The following PDE12 variants were observed in gnomAD, a reference collection of about 807,000 sequenced individuals.
PDE12 encodes the protein 2',5'-phosphodiesterase 12.
Under a neutral mutation model 45.4 loss-of-function variants are expected in PDE12, and 26 were observed. That is an observed-to-expected ratio of 0.57 (90% CI 0.42 to 0.79). The LOEUF (loss-of-function observed/expected upper bound fraction) is 0.79. PDE12 is among the 30% of genes least tolerant of loss of function. The probability of loss-of-function intolerance (pLI) is 0.00; values close to 1 mark genes in which losing one functional copy is unlikely to be tolerated. For synonymous variants in PDE12, 283 were observed against 323.9 expected, an observed-to-expected ratio of 0.87 and a Z score of 1.36; for missense variants, 668 against 790.0, an observed-to-expected ratio of 0.85 and a Z score of 1.85.
the PDE12 span, among the ~76,000 whole-genome samples, chr3:57,602,882 A>G: frequency 6.6e-6 from 1 of 152,004 alleles, no homozygotes; most frequent in Admixed American, 6.5e-5. Flanking sequence ...ACCATTTAGC[A>G]TTTATAAAAG....
the PDE12 span, among the ~76,000 whole-genome samples, chr3:57,580,462 C>T: frequency 1.3e-5 from 2 of 152,122 alleles, no homozygotes; most frequent in Admixed American, 6.6e-5. Flanking sequence ...AGTACAGAGG[C>T]GCAACTGTAG....
the PDE12 span, among the ~76,000 whole-genome samples, chr3:57,614,874 T>C: frequency 6.6e-6 from 1 of 151,472 alleles, no homozygotes; most frequent in Admixed American, 6.6e-5. Flanking sequence ...GCGCTTGTAA[T>C]ACCAGCTACT....
At chr3:57,595,957 A>G in the PDE12 span, among the ~76,000 whole-genome samples, 1 of 152,004 alleles carries the variant, frequency 6.6e-6, no homozygotes, top group Admixed American at 6.6e-5. Context: ...GTCTGCAAAA[A>G]AAAAAAAGGA....
chr3:57,647,910 G>A, the PDE12 span, among the ~76,000 whole-genome samples: 1 of 152,058 alleles, frequency 6.6e-6, no homozygotes, highest in African/African-American at 2.4e-5. Flanking sequence ...AGGGTAAGGA[G>A]GGTATCCATG....
At chr3:57,648,032 G>T in the PDE12 span, among the ~76,000 whole-genome samples, 4 of 152,168 alleles carry the variant, frequency 2.6e-5, no homozygotes, top group East Asian at 5.8e-4. Context: ...AGAAGAGAAA[G>T]AAATAAAGAG....
chr3:57,643,876 G>A, the PDE12 span, among the ~76,000 whole-genome samples: 2 of 150,688 alleles, frequency 1.3e-5, no homozygotes, highest in African/African-American at 4.9e-5. Context: ...TGGGCCAGGC[G>A]TGGTGGCTCA....
the PDE12 span, chr3:57,630,554 T>C: frequency 5.7e-6 from 9 of 1,568,332 alleles, no homozygotes; most frequent in African/African-American, 1.1e-4. Context: ...AAAGTAAAGT[T>C]TGATTATAAC....
Position 57,558,814 on chromosome 3 carries a change from G to A in PDE12, c.1309-496G>A, listed in dbSNP as rs137864806. Among the ~76,000 whole-genome samples, 798 of 147,862 alleles carry A rather than the reference G, an allele frequency of 5.4e-3. 3 individuals carry two copies. Among genetic ancestry groups the A allele is most frequent in the Middle Eastern group, 0.01 (3 of 292 alleles). On this transcript the variant is annotated intron_variant, in intron 1 of 2. Coordinates refer to ENST00000311180, the MANE Select transcript of PDE12 (RefSeq NM_177966.7). ...CTATATTGGACTATTATTAAAACAT[G>A]TTACACTGAACCTAGTCATGTAGAT...
At chr3:57,590,411 G>A in the PDE12 span, among the ~76,000 whole-genome samples, 58,561 of 151,642 alleles carry the variant, frequency 0.39, 12,646 homozygotes, top group South Asian at 0.56. Flanking sequence ...GCTTGAACCC[G>A]GGAGGCGGAG....
At chr3:57,653,712 CT>C in the PDE12 span, among the ~76,000 whole-genome samples, 2 of 147,040 alleles carry the variant, frequency 1.4e-5, no homozygotes, top group African/African-American at 5.1e-5. Context: ...CACCACTGCA[CT>C]CCGGCCTGGG....
chr3:57,578,186 A>T, the PDE12 span, among the ~76,000 whole-genome samples: 1 of 152,128 alleles, frequency 6.6e-6, no homozygotes. Context: ...TCATCATGGA[A>T]GGAAAAAATT....
At chr3:57,598,597 C>G in the PDE12 span, among the ~76,000 whole-genome samples, 1 of 152,160 alleles carries the variant, frequency 6.6e-6, no homozygotes, top group South Asian at 2.1e-4. Flanking sequence ...CTGGCTAACA[C>G]GGTGAAACCC....
At chr3:57,627,843 C>T in the PDE12 span, 1 of 170,238 alleles carries the variant, frequency 5.9e-6, no homozygotes, top group Admixed American at 5.7e-5. Flanking sequence ...TTTATATCCC[C>T]CTGAGTTTTA....
the PDE12 span, chr3:57,627,736 A>T: frequency 1.3e-5 from 2 of 153,506 alleles, no homozygotes; most frequent in Non-Finnish European, 2.9e-5. Context: ...TGAAACATGT[A>T]GGACAACAGA....
the PDE12 span, among the ~76,000 whole-genome samples, chr3:57,588,932 G>C: frequency 6.6e-6 from 1 of 152,056 alleles, no homozygotes; most frequent in African/African-American, 2.4e-5. Context: ...GAGAAAGCCC[G>C]TCTCTACTAA....
At chr3:57,630,856 T>A in the PDE12 span, 1 of 1,610,146 alleles carries the variant, frequency 6.2e-7, no homozygotes, top group African/African-American at 1.3e-5. Flanking sequence ...ATTTAGAAAT[T>A]AGGAGTGGAT....
chr3:57,559,167 G>C (rs1489617538), intron 1 of PDE12, 143 bp from the exon 2 acceptor site: 2 of 619,602 alleles, frequency 3.2e-6, no homozygotes, highest in Non-Finnish European at 5.6e-6. Flanking sequence ...CTTGCAGTGA[G>C]CCGAGATCGC....
At chr3:57,570,692 T>C (rs549263807), downstream of PDE12, among the ~76,000 whole-genome samples, 34 of 152,176 alleles carry the variant, frequency 2.2e-4, no homozygotes, top group Non-Finnish European at 4.1e-4. Flanking sequence ...TAAAACTTAA[T>C]AGATGTAGTT....
the PDE12 span, among the ~76,000 whole-genome samples, chr3:57,593,166 C>T: frequency 6.6e-6 from 1 of 152,214 alleles, no homozygotes; most frequent in South Asian, 2.1e-4. Context: ...ATCATGCCAC[C>T]TGTATGTGCC....
Sources: allele counts gnomAD v4.1 joint callset (sites outside exome capture counted in the v4.1 genomes callset), GRCh38; gene constraint gnomAD v4.1.1; transcripts MANE v1.5; gene names NCBI Gene and HGNC (gene_info 2026-07-23, HGNC 2026-07-21).